MTMR3: variants seen among roughly 807,000 people sequenced by gnomAD.
MTMR3 encodes myotubularin related protein 3.
MTMR3 carries 32 observed loss-of-function variants against 132.4 expected under a neutral mutation model. The observed-to-expected ratio is 0.24, with a 90% CI of 0.18 to 0.32. The LOEUF (loss-of-function observed/expected upper bound fraction) is 0.32. MTMR3 is among the 10% of genes least tolerant of loss of function. MTMR3 has a pLI of 1.00. For missense variants in MTMR3, 1,216 were observed against 1,489.6 expected (o/e 0.82, Z 3.02); for synonymous variants, 556 against 550.3 (o/e 1.01, Z -0.14).
intron 1 of MTMR3, among the ~76,000 whole-genome samples, chr22:29,946,449 A>C (rs1416903578): frequency 6.6e-6 from 1 of 152,194 alleles, no homozygotes; most frequent in African/African-American, 2.4e-5. Flanking sequence ...AGAAAGGCTT[A>C]TCATTTCTGT....
At chr22:30,023,319 C>A in intron 19 of MTMR3, 2 of 831,154 alleles carry the variant, frequency 2.4e-6, no homozygotes, top group Admixed American at 1.9e-5. Flanking sequence ...CTCACCCACA[C>A]GAGTGGGTGG....
chr22:29,904,822 GT>G (rs2065065931), intron 1 of MTMR3, among the ~76,000 whole-genome samples: 1 of 23,990 alleles, frequency 4.2e-5, no homozygotes, highest in Non-Finnish European at 1.3e-4. Flanking sequence ...TGTGTGTGTT[GT>G]GTGTGTGTGT....
At chr22:30,019,270 G>A in intron 16 of MTMR3, 1 of 574,184 alleles carries the variant, frequency 1.7e-6, no homozygotes, top group Non-Finnish European at 3.1e-6. Flanking sequence ...ATGGGGTTGG[G>A]GGAGTTTGAA....
chr22:29,971,803 T>C (rs971301652), intron 3 of MTMR3, among the ~76,000 whole-genome samples: 7 of 152,074 alleles, frequency 4.6e-5, no homozygotes, highest in Admixed American at 3.3e-4. Context: ...TTTTCATCAA[T>C]CCTGAGGAAA....
intron 1 of MTMR3, among the ~76,000 whole-genome samples, chr22:29,888,731 A>G (rs1488524953): frequency 2.0e-5 from 3 of 147,916 alleles, no homozygotes; most frequent in Non-Finnish European, 4.5e-5. Context: ...GATTTCACTT[A>G]CCTGGGGTCG....
chr22:29,914,804 A>C (rs2065278749), intron 1 of MTMR3, among the ~76,000 whole-genome samples: 1 of 152,176 alleles, frequency 6.6e-6, no homozygotes, highest in Admixed American at 6.5e-5. Flanking sequence ...TATACTGTGA[A>C]TATCTGAGTT....
intron 1 of MTMR3, among the ~76,000 whole-genome samples, chr22:29,921,240 GAGGGGCAGCA>G (rs1204866794): frequency 3.9e-5 from 6 of 152,218 alleles, no homozygotes; most frequent in Non-Finnish European, 8.8e-5. Context: ...GTCATGTGGC[GAGGGGCAGCA>G]AAAGAGAGAG....
At chr22:29,922,218 C>T (rs1045831701) in intron 1 of MTMR3, among the ~76,000 whole-genome samples, 1 of 151,982 alleles carries the variant, frequency 6.6e-6, no homozygotes, top group African/African-American at 2.4e-5. Flanking sequence ...GGGGTTTTGC[C>T]ATGTTGGCCA....
At chr22:29,883,961 C>T (rs1327780124) in intron 1 of MTMR3, among the ~76,000 whole-genome samples, 1 of 152,206 alleles carries the variant, frequency 6.6e-6, no homozygotes, top group East Asian at 1.9e-4. Flanking sequence ...GGTCAGACTG[C>T]TCCGCAAATG....
chr22:30,003,525 G>C (rs141025555), intron 9 of MTMR3: 3 of 152,286 alleles, frequency 2.0e-5, no homozygotes, highest in African/African-American at 7.2e-5. Flanking sequence ...TCTAGATGGG[G>C]ATGGTGGCAT....
chr22:29,986,915 A>G (rs2066870677), intron 5 of MTMR3: 2 of 152,116 alleles, frequency 1.3e-5, no homozygotes, highest in South Asian at 4.1e-4. Flanking sequence ...ATAATTTTGT[A>G]TTTTTAGTAG....
chr22:29,885,562 A>AGAGG (rs2064657471), intron 1 of MTMR3, among the ~76,000 whole-genome samples: 2 of 152,176 alleles, frequency 1.3e-5, no homozygotes, highest in Admixed American at 1.3e-4. Context: ...ACAGAGAAGG[A>AGAGG]GAGGGAGTAA....
intron 1 of MTMR3, among the ~76,000 whole-genome samples, chr22:29,902,446 C>T (rs1289885209): frequency 3.7e-5 from 5 of 136,502 alleles, no homozygotes; most frequent in Admixed American, 1.6e-4. Context: ...CTCGCTCTGT[C>T]GCCCAGGCTG....
intron 3 of MTMR3, among the ~76,000 whole-genome samples, chr22:29,971,438 A>G (rs1260876994): frequency 2.6e-5 from 4 of 152,152 alleles, no homozygotes; most frequent in African/African-American, 9.7e-5. Flanking sequence ...AAATTGTAAG[A>G]TGGTAATCTG....
intron 19 of MTMR3, chr22:30,022,986 A>G (rs2067803835): frequency 2.2e-6 from 1 of 461,718 alleles, no homozygotes; most frequent in African/African-American, 2.0e-5. Flanking sequence ...TCTTATTCTC[A>G]GCATAACATT....
chr22:29,910,456 G>A (rs1443192293), intron 1 of MTMR3, among the ~76,000 whole-genome samples: 1 of 152,170 alleles, frequency 6.6e-6, no homozygotes, highest in Non-Finnish European at 1.5e-5. Context: ...GAACATAGAT[G>A]TGTTAAGAAA....
rs745423373 is a variant in MTMR3, at chr22:30,019,942, C to G, written c.2283C>G (p.Phe761Leu). Residue 761 changes from phenylalanine (F) to leucine (L), a missense_variant, in exon 17 of 20, where the codon TTC becomes TTG. Coordinates refer to ENST00000401950, the MANE Select transcript of MTMR3 (RefSeq NM_021090.4). Reference protein sequence around the residue: ...RSHLDMSWPLFSQGISEQQSG... With the variant: ...RSHLDMSWPLLSQGISEQQSG... ...ATCTGGATATGAGCTGGCCTCTGTT[C>G]TCACAGGGCATTTCTGAACAGCAGA... The G allele has an allele frequency of 1.9e-6, 3 of 1,614,240 alleles. No individual in the cohort carries two copies. Among genetic ancestry groups the G allele is most frequent in the Admixed American group, 1.7e-5 (1 of 60,028 alleles).
rs181095500 is a variant in MTMR3, at chr22:30,022,883, G to C, written c.3425+186G>C. On this transcript the variant is annotated intron_variant, in intron 19 of 19. Coordinates refer to ENST00000401950, the MANE Select transcript of MTMR3 (RefSeq NM_021090.4). ...CATTTGGCATCTTTGTTCAAATTCA[G>C]AGTAATCACTGTTAAATTCTGAAAT... The C allele has an allele frequency of 4.2e-5, 25 of 591,256 alleles. No individual in the cohort carries two copies. The Admixed American group carries it at 7.4e-4, about 18-fold the overall frequency. 36.6% of individuals were successfully genotyped at this position (591,256 alleles called of 1,614,324 possible).
In MTMR3 at chr22:29,908,987, T is replaced by TTTTCTTTTCTTTTC. The variant is rs1191663863; in HGVS notation, c.-138+25631_-138+25632insCTTTTCTTTTCTTT. ...TTTTTCTTTTCTTTTCTTTTCTTTT[T>TTTTCTTTTCTTTTC]TTTTTTTTGAGACAAATTCTCACTC... is the stretch of plus-strand genomic sequence containing the variant. On this transcript the variant is annotated intron_variant, in intron 1 of 19. Coordinates refer to ENST00000401950, the MANE Select transcript of MTMR3 (RefSeq NM_021090.4). 1.5e-3 allele frequency among the ~76,000 whole-genome samples: 234 copies of TTTTCTTTTCTTTTC among 151,066 alleles called. 3 individuals are homozygous for TTTTCTTTTCTTTTC. Among genetic ancestry groups the TTTTCTTTTCTTTTC allele is most frequent in the African/African-American group, 5.5e-3 (224 of 40,996 alleles).
Sources: allele counts gnomAD v4.1 joint callset (sites outside exome capture counted in the v4.1 genomes callset), GRCh38; gene constraint gnomAD v4.1.1; transcripts MANE v1.5; gene names NCBI Gene and HGNC (gene_info 2026-07-23, HGNC 2026-07-21).